Variants in ELAPOR2 observed in about 807,000 individuals in gnomAD.
The protein encoded by ELAPOR2 is endosome-lysosome associated apoptosis and autophagy regulator family member 2, also known as endosome/lysosome-associated apoptosis and autophagy regulator family member 2.
ELAPOR2 carries 89 observed loss-of-function variants against 120.7 expected under a neutral mutation model. The observed-to-expected ratio is 0.74, with a 90% CI of 0.62 to 0.88. ELAPOR2 has a LOEUF of 0.88. Ranked by LOEUF, ELAPOR2 falls within the 40% of genes least tolerant of loss-of-function variation. The pLI is 0.00. For missense variants in ELAPOR2, 1,134 were observed against 1,251.6 expected, an observed-to-expected ratio of 0.91 and a Z score of 1.42; for synonymous variants, 444 against 444.9, an observed-to-expected ratio of 1.00 and a Z score of 0.03.
rs562496644 is a variant in ELAPOR2 at position 87,017,642 on chromosome 7, T to C, written c.189+41683A>G. On this transcript the variant is annotated intron_variant, in intron 1 of 21. Transcript: ENST00000450689. ...TCAGAAGTAAAACACAAAAATAGGC[T>C]GAGCGTGGTGGCTCGTGCCTGTAAT... Among the ~76,000 whole-genome samples, 138 of 152,270 alleles carry C rather than the reference T, an allele frequency of 9.1e-4. 1 individual carries two copies. The highest frequency in any genetic ancestry group is 3.2e-3 in the African/African-American group (135 of 41,570).
rs1789885598 is a variant in ELAPOR2 at position 86,922,755 on chromosome 7, T to TA, written c.1399+2772dup. Among the ~76,000 whole-genome samples, 3 of 152,080 alleles carry TA rather than the reference T, an allele frequency of 2.0e-5. No individual in the cohort carries two copies. In the South Asian group the frequency reaches 6.2e-4, roughly 31 times the overall value. On this transcript the variant is annotated intron_variant, in intron 10 of 21. Transcript: ENST00000450689. ...CCATTTTAACCATTTGGTTTGTTTT[T>TA]ACCTTTAAGTAACATAATATAAACT...
chr7:87,035,954 C>T (rs1445912620), intron 1 of ELAPOR2, among the ~76,000 whole-genome samples: 2 of 152,114 alleles, frequency 1.3e-5, no homozygotes, highest in Non-Finnish European at 2.9e-5. Context: ...TTTGGTTATG[C>T]CGTCTCAAAA....
intron 1 of ELAPOR2, among the ~76,000 whole-genome samples, chr7:86,975,710 C>T (rs972753105): frequency 6.6e-5 from 10 of 152,190 alleles, no homozygotes; most frequent in African/African-American, 2.4e-4. Context: ...CTGGTGCTAA[C>T]CAAGATGGAG....
At chr7:86,907,906 T>A (rs1395398257) in intron 17 of ELAPOR2, 135 bp from the exon 18 acceptor site, 2 of 471,616 alleles carry the variant, frequency 4.2e-6, no homozygotes, top group Non-Finnish European at 7.3e-6. Context: ...TAATTTGTAA[T>A]TTTAATACAA....
chr7:86,938,759 G>T, intron 7 of ELAPOR2, 49 bp downstream of exon 7: 2 of 1,594,318 alleles, frequency 1.3e-6, no homozygotes, highest in South Asian at 2.2e-5. Flanking sequence ...ATGTACACTT[G>T]ACCAACATAC....
intron 21 of ELAPOR2, among the ~76,000 whole-genome samples, chr7:86,881,546 C>T (rs1208299361): frequency 1.3e-5 from 2 of 151,910 alleles, no homozygotes; most frequent in African/African-American, 4.8e-5. Context: ...TTAATAGAGA[C>T]GGGGTTTCAC....
At chr7:86,930,044 G>C (rs1790259578) in intron 8 of ELAPOR2, among the ~76,000 whole-genome samples, 2 of 151,922 alleles carry the variant, frequency 1.3e-5, no homozygotes, top group South Asian at 4.1e-4. Flanking sequence ...CTTTATAGGA[G>C]TGTGAGAACA....
intron 18 of ELAPOR2, among the ~76,000 whole-genome samples, chr7:86,905,290 T>A (rs1432058483): frequency 6.7e-6 from 1 of 149,182 alleles, no homozygotes; most frequent in South Asian, 2.1e-4. Context: ...TTTTTTTCTG[T>A]CAGTAGGAAA....
chr7:87,042,906 C>T (rs1794830568), intron 1 of ELAPOR2, among the ~76,000 whole-genome samples: 1 of 151,944 alleles, frequency 6.6e-6, no homozygotes, highest in South Asian at 2.1e-4. Context: ...CAAATAGACG[C>T]AATAAAAAAT....
rs573862168 is a variant in ELAPOR2, at chr7:86,898,091, CA to C, written c.2559-460del. ...TAATAACCAAAAGGTGGAAACAACCCAAATGTTTATCAACAGATGAATGCAT... is the reference window on the plus strand; with the variant it reads ...TAATAACCAAAAGGTGGAAACAACCCAATGTTTATCAACAGATGAATGCAT... On this transcript the variant is annotated intron_variant, in intron 18 of 21. Transcript: ENST00000450689. Among the ~76,000 whole-genome samples the C allele has an allele frequency of 1.3e-4, 20 of 151,950 alleles. No individual in the cohort carries two copies. The East Asian group carries it at 2.1e-3, about 16-fold the overall frequency.
intron 1 of ELAPOR2, among the ~76,000 whole-genome samples, chr7:87,011,924 G>T (rs1793695116): frequency 1.3e-5 from 2 of 151,998 alleles, no homozygotes; most frequent in Admixed American, 6.6e-5. Flanking sequence ...AAGTTTTCTA[G>T]TAGTCACATT....
chr7:86,912,851 A>T lies in ELAPOR2; in HGVS notation c.1995+90T>A, dbSNP rs996420643. Reference sequence around the variant, plus strand: ...TTATTTCAGAATAAATAGCAACCTCATAGCTCCCAGAGAAACATTAAGGAG... The same window carrying T: ...TTATTTCAGAATAAATAGCAACCTCTTAGCTCCCAGAGAAACATTAAGGAG... On this transcript the variant is annotated intron_variant, in intron 14 of 21. Coordinates refer to ENST00000450689, the MANE Select transcript of ELAPOR2 (RefSeq NM_001142749.3). The T allele has an allele frequency of 5.4e-5, 79 of 1,450,444 alleles. No individual in the cohort carries two copies. The African/African-American group carries it at 8.6e-4, about 16-fold the overall frequency. The allele number at this position is 1,450,444 out of a possible 1,614,324, so 89.8% of individuals were successfully genotyped here. A position where few individuals can be genotyped will look rare whatever the true frequency, so the allele number is the denominator to read the frequency against.
chr7:86,952,350 G>C (rs1791292001), intron 2 of ELAPOR2, among the ~76,000 whole-genome samples: 1 of 152,110 alleles, frequency 6.6e-6, no homozygotes, highest in South Asian at 2.1e-4. Context: ...TGATTAAAAA[G>C]GTTAACTAGT....
At chr7:86,983,403 A>T (rs1792587312) in intron 1 of ELAPOR2, among the ~76,000 whole-genome samples, 1 of 152,120 alleles carries the variant, frequency 6.6e-6, no homozygotes, top group Non-Finnish European at 1.5e-5. Flanking sequence ...ACCAAGGTTG[A>T]AATGAAGGAA....
intron 1 of ELAPOR2, among the ~76,000 whole-genome samples, chr7:87,053,756 C>G (rs1364511155): frequency 6.6e-6 from 1 of 152,164 alleles, no homozygotes; most frequent in Admixed American, 6.6e-5. Flanking sequence ...AGGGATGGAT[C>G]TAGGTCAGGA....
At chr7:86,890,681 C>T (rs961715185) in intron 21 of ELAPOR2, among the ~76,000 whole-genome samples, 1 of 151,938 alleles carries the variant, frequency 6.6e-6, no homozygotes, top group Non-Finnish European at 1.5e-5. Flanking sequence ...TGTTAGCTTG[C>T]AAGTAGGGTA....
At chr7:86,953,508 G>T (rs1791351150) in intron 2 of ELAPOR2, among the ~76,000 whole-genome samples, 2 of 152,122 alleles carry the variant, frequency 1.3e-5, no homozygotes, top group African/African-American at 4.8e-5. Context: ...TGCTACCTTG[G>T]CATTTGTTCT....
intron 1 of ELAPOR2, among the ~76,000 whole-genome samples, chr7:87,009,331 A>G (rs1019171367): frequency 2.0e-5 from 3 of 152,254 alleles, no homozygotes; most frequent in Non-Finnish European, 4.4e-5. Context: ...TATACATAAT[A>G]GAAACAGGGA....
chr7:86,928,506 G>A (rs901850880), intron 8 of ELAPOR2, among the ~76,000 whole-genome samples: 7 of 151,880 alleles, frequency 4.6e-5, no homozygotes, highest in African/African-American at 7.3e-5. Flanking sequence ...TGGGAGTGGC[G>A]GGCGGTGCTG....
Sources: allele counts gnomAD v4.1 joint callset (sites outside exome capture counted in the v4.1 genomes callset), GRCh38; gene constraint gnomAD v4.1.1; transcripts MANE v1.5; gene names NCBI Gene and HGNC (gene_info 2026-07-23, HGNC 2026-07-21).